The following TNIP2 variants were observed in gnomAD, a reference collection of about 807,000 sequenced individuals.
TNIP2 encodes the protein TNFAIP3 interacting protein 2, also known as TNFAIP3-interacting protein 2.
A neutral mutation model predicts 43.7 loss-of-function variants in TNIP2; 30 were observed. That is an observed-to-expected ratio of 0.69 (90% confidence interval 0.51 to 0.93). TNIP2 has a LOEUF of 0.93. Among genes scored for constraint, TNIP2 ranks in the 40% least tolerant of loss-of-function variants. The pLI is 0.00. For synonymous variants in TNIP2, 260 were observed against 254.6 expected (o/e 1.02, Z -0.20); for missense variants, 599 against 591.0 (o/e 1.01, Z -0.14).
At chr4:2,752,074 C>T (rs1177024219) in intron 1 of TNIP2, among the ~76,000 whole-genome samples, 2 of 149,070 alleles carry the variant, frequency 1.3e-5, no homozygotes, top group Admixed American at 6.7e-5. Flanking sequence ...CACTGCACTC[C>T]AGCCTGGCGA....
At position 2,744,424 on chromosome 4, in the gene TNIP2, T is replaced by C; in HGVS notation, c.989A>G (p.Lys330Arg). The C allele has an allele frequency of 6.2e-7, 1 of 1,614,114 alleles. No homozygotes were observed. The highest frequency in any genetic ancestry group is 1.7e-5 in the Admixed American group (1 of 60,026). ...CACCTGGTGCAGCAAAGAGGCGACC[T>C]TTTCCTCCAGTTCTTGAATCCTACT... ...AQSRIQELEE[K>R]VASLLHQVSW... Residue 330 changes from lysine (K) to arginine (R), a missense_variant, in exon 5 of 6, where the codon AAG (lysine) becomes AGG (arginine). Physicochemically the swap from Lys to Arg is conservative, Grantham distance 26 (BLOSUM62 2). Transcript: ENST00000315423. The surrounding 1 kb of genome is among the most constrained non-coding windows in gnomAD (Gnocchi z 5.1).
Position 2,756,336 on chromosome 4 carries a change from C to T in TNIP2, c.-47G>A. Reference sequence around the variant, plus strand: ...GCCGCGCGGCCGCCGGCAACTTCCGCGCCCGGGCCCCGCCGGCTGCCGCCC... The same window carrying T: ...GCCGCGCGGCCGCCGGCAACTTCCGTGCCCGGGCCCCGCCGGCTGCCGCCC... On this transcript the variant is annotated 5_prime_UTR_variant, in exon 1 of 6. Transcript: ENST00000315423. 1 of 1,129,156 alleles carries T rather than the reference C, an allele frequency of 8.9e-7. No homozygotes were observed. The highest frequency in any genetic ancestry group is 3.8e-5 in the East Asian group (1 of 26,520). The allele number at this position is 1,129,156 out of a possible 1,614,324, so 69.9% of individuals were successfully genotyped here.
At chr4:2,747,014 C>G (rs1352361797) in intron 2 of TNIP2, among the ~76,000 whole-genome samples, 1 of 152,250 alleles carries the variant, frequency 6.6e-6, no homozygotes, top group Non-Finnish European at 1.5e-5. Flanking sequence ...GCGAACCCTT[C>G]TTTGGCCCTC....
At position 2,744,853 on chromosome 4, in the gene TNIP2, G is replaced by C; in HGVS notation, c.750C>G (p.Ile250Met). 1 of 1,613,976 alleles carries C rather than the reference G, an allele frequency of 6.2e-7. No homozygotes were observed. The highest frequency in any genetic ancestry group is 8.5e-7 in the Non-Finnish European group (1 of 1,180,048). The change falls in exon 4 of 6, where the codon ATC (isoleucine) becomes ATG (methionine). Residue 250 changes from isoleucine to methionine, a missense_variant. Physicochemically the swap from Ile to Met is conservative, Grantham distance 10. Coordinates refer to ENST00000315423, the MANE Select transcript of TNIP2 (RefSeq NM_024309.4). This position sits in a 1 kb window ranked among gnomAD's most constrained non-coding sequence, Gnocchi z 5.1. ...GLHAQLRGLQ[I>M]PHEPELMRKE... Reference sequence around the variant, plus strand: ...TCCTCATCAGCTCGGGCTCGTGGGGGATCTGCAGCCCCCTGAGCTGCGCAT... The same window carrying C: ...TCCTCATCAGCTCGGGCTCGTGGGGCATCTGCAGCCCCCTGAGCTGCGCAT...
At chr4:2,755,836 T>G in intron 1 of TNIP2, 178 bp downstream of exon 1, 32 of 365,916 alleles carry the variant, frequency 8.7e-5, no homozygotes, top group East Asian at 7.8e-4. Flanking sequence ...CGGCACCCCC[T>G]CAACTCCCAG....
At chr4:2,743,556 G>A (rs1273159218) in intron 5 of TNIP2, among the ~76,000 whole-genome samples, 1 of 152,148 alleles carries the variant, frequency 6.6e-6, no homozygotes, top group Non-Finnish European at 1.5e-5. Flanking sequence ...AGAAACCACT[G>A]AGGCCCAGTG....
chr4:2,744,583 G>T lies in TNIP2; in HGVS notation c.907-77C>A. 1.2e-6 allele frequency: 2 copies of T among 1,601,068 alleles called. No individual in the cohort carries two copies. Among genetic ancestry groups the T allele is most frequent in the South Asian group, 2.2e-5 (2 of 90,330 alleles). On this transcript the variant is annotated intron_variant, in intron 4 of 5. Coordinates refer to ENST00000315423, the MANE Select transcript of TNIP2 (RefSeq NM_024309.4). This position sits in a 1 kb window ranked among gnomAD's most constrained non-coding sequence, Gnocchi z 5.1. ...ACCAGGCTTCTCCCACCCCCACAGT[G>T]ACCACTGCCCACTCAGTGCCACCAA...
rs1721891968 is a variant in TNIP2, at chr4:2,744,704, T to G, written c.899A>C (p.Glu300Ala). Residue 300 changes from glutamate to alanine, a missense_variant, in exon 4 of 6, where the codon GAA becomes GCA. Glu to Ala is a moderately radical substitution (Grantham distance 107, BLOSUM62 -1). Transcript: ENST00000315423. This position sits in a 1 kb window ranked among gnomAD's most constrained non-coding sequence, Gnocchi z 5.1. ...AGCCCGAGGGACAGACACCTGCTGT[T>G]CCAGCATCTGCACCCGCTCCAACGC... ...DAALERVQMLEQQILAYKDDF... is the reference protein window; with the variant it reads ...DAALERVQMLAQQILAYKDDF... The G allele has an allele frequency of 1.9e-6, 3 of 1,602,374 alleles. No individual in the cohort carries two copies. The highest frequency in any genetic ancestry group is 2.5e-6 in the Non-Finnish European group (3 of 1,179,298).
At position 2,745,518 on chromosome 4, in the gene TNIP2, C is replaced by A; in HGVS notation, c.585G>T (p.Gly195=). 1 of 1,613,770 alleles carries A rather than the reference C, an allele frequency of 6.2e-7. No homozygotes were observed. The highest frequency in any genetic ancestry group is 8.5e-7 in the Non-Finnish European group (1 of 1,179,728). Residue 195 remains glycine (G), a synonymous_variant, in exon 3 of 6, where the codon GGG becomes GGT. Transcript: ENST00000315423. ...CAATAACACTCTGGACAGAGGTGTG[C>A]CCATCTGTGTGTTCCGACTGCATGA... The part of the protein sequence containing the change: ...RSPDQSEHTD[G]HTSVQSVIEK...
At chr4:2,743,811 C>T (rs888790165) in intron 5 of TNIP2, among the ~76,000 whole-genome samples, 7 of 152,200 alleles carry the variant, frequency 4.6e-5, no homozygotes, top group African/African-American at 1.7e-4. Context: ...TTGCAGAGCA[C>T]AAGTCAGTGA....
chr4:2,756,107 C>G lies in TNIP2; in HGVS notation c.183G>C (p.Pro61=). The G allele has an allele frequency of 6.7e-7, 1 of 1,491,380 alleles. No homozygotes were observed. Among genetic ancestry groups the G allele is most frequent in the Non-Finnish European group, 8.8e-7 (1 of 1,130,646 alleles). 92.4% of individuals were successfully genotyped at this position (1,491,380 alleles called of 1,614,324 possible). A position where few individuals can be genotyped will look rare whatever the true frequency, so the allele number is the denominator to read the frequency against. ...GCTCCAGCAGCGCGTCCACTAGGGA[C>G]GGCGCGGCGTCCCCCTCCAGCGCGG... ...RLAALEGDAA[P]SLVDALLEQV... Residue 61 remains proline (P), a synonymous_variant, in exon 1 of 6, where the codon CCG becomes CCC. Coordinates refer to ENST00000315423, the MANE Select transcript of TNIP2 (RefSeq NM_024309.4).
intron 5 of TNIP2, among the ~76,000 whole-genome samples, 178 bp from the exon 6 acceptor site, chr4:2,742,698 TCA>T (rs1396857742): frequency 2.0e-5 from 3 of 152,082 alleles, no homozygotes; most frequent in African/African-American, 7.2e-5. Context: ...TGACTGAGGA[TCA>T]CACACACGCT....
Position 2,742,351 on chromosome 4 carries a change from C to T in TNIP2, c.1196G>A (p.Gly399Asp). 1 of 1,593,476 alleles carries T rather than the reference C, an allele frequency of 6.3e-7. No individual in the cohort carries two copies. The highest frequency in any genetic ancestry group is 1.1e-5 in the South Asian group (1 of 88,814). ...EGGHPGAAQR[G>D]QGDLQCPHCL... The stretch of plus-strand genomic sequence containing the variant: ...GTGAGGGCACTGAAGGTCCCCCTGG[C>T]CTCTCTGGGCCGCGCCAGGATGCCC... Residue 399 changes from glycine (G) to aspartate (D), a missense_variant, in exon 6 of 6, where the codon GGC becomes GAC. By Grantham distance (94) the Gly-to-Asp change is moderately conservative. Transcript: ENST00000315423.
chr4:2,755,628 C>G (rs1722213899), intron 1 of TNIP2, among the ~76,000 whole-genome samples: 1 of 145,016 alleles, frequency 6.9e-6, no homozygotes, highest in Admixed American at 6.8e-5. Flanking sequence ...CCACTCAGGA[C>G]CTGGTCCCCC....
At chr4:2,743,755 T>C (rs756006112) in intron 5 of TNIP2, among the ~76,000 whole-genome samples, 2 of 152,066 alleles carry the variant, frequency 1.3e-5, no homozygotes, top group Non-Finnish European at 2.9e-5. Flanking sequence ...GGGCCAAAAG[T>C]GTGTTAGGTA....
intron 1 of TNIP2, among the ~76,000 whole-genome samples, chr4:2,752,796 C>A (rs552111713): frequency 6.6e-6 from 1 of 152,316 alleles, no homozygotes; most frequent in South Asian, 2.1e-4. Context: ...GTAATACCAG[C>A]ACTTTGAGAG....
In TNIP2 at chr4:2,750,679, G is replaced by GTT. The variant is rs35355125; in HGVS notation, c.277-2736_277-2735dup. On this transcript the variant is annotated intron_variant, in intron 1 of 5. Coordinates refer to ENST00000315423, the MANE Select transcript of TNIP2 (RefSeq NM_024309.4). ...GACTTTGAGCAAAACCTGACTTCTG[G>GTT]TTTTTTTTTTTTTTGATAAAGACAG... 7.0e-4 allele frequency among the ~76,000 whole-genome samples: 100 copies of GTT among 143,790 alleles called. No homozygotes were observed. In the Middle Eastern group the frequency reaches 0.011, roughly 15 times the overall value. The allele number at this position is 143,790 out of a possible 152,430, so 94.3% of individuals were successfully genotyped here. A position where few individuals can be genotyped will look rare whatever the true frequency, so the allele number is the denominator to read the frequency against.
At chr4:2,748,099 T>G (rs564431131) in intron 1 of TNIP2, among the ~76,000 whole-genome samples, 154 bp from the exon 2 acceptor site, 2 of 152,240 alleles carry the variant, frequency 1.3e-5, no homozygotes, top group Admixed American at 6.6e-5. Flanking sequence ...TAACAATTAC[T>G]CACTCAGAAG....
At chr4:2,750,051 C>A (rs946928590) in intron 1 of TNIP2, among the ~76,000 whole-genome samples, 3 of 152,226 alleles carry the variant, frequency 2.0e-5, no homozygotes, top group African/African-American at 4.8e-5. Context: ...GATCCGCCTG[C>A]CTCAGCCTCC....
Sources: gnomAD v4.1 joint callset for allele counts (sites outside exome capture counted in the v4.1 genomes callset) on GRCh38, gnomAD v4.1.1 for gene constraint, Gnocchi (gnomAD v3.1) non-coding constraint, MANE v1.5 for transcripts, NCBI Gene and HGNC (gene_info 2026-07-23, HGNC 2026-07-21) for gene names.